The following KASH5 variants were observed in gnomAD, a reference collection of about 807,000 sequenced individuals.
KASH5 encodes protein KASH5.
KASH5 carries 72 observed loss-of-function variants against 84.2 expected under a neutral mutation model. That is an observed-to-expected ratio of 0.85 (90% CI 0.71 to 1.04). The LOEUF (loss-of-function observed/expected upper bound fraction) is 1.04, where lower values mean the gene tolerates loss of function less well. Ranked by LOEUF, KASH5 falls within the 50% of genes least tolerant of loss-of-function variation. The pLI is 0.00. For missense variants in KASH5, 650 were observed against 701.0 expected, an observed-to-expected ratio of 0.93 and a Z score of 0.82; for synonymous variants, 260 against 279.1, an observed-to-expected ratio of 0.93 and a Z score of 0.68.
At chr19:49,408,760 C>CT (rs1974613624) in intron 12 of KASH5, among the ~76,000 whole-genome samples, 1 of 152,196 alleles carries the variant, frequency 6.6e-6, no homozygotes. Context: ...TTGGCCTGTG[C>CT]TTTAGCTTCT....
chr19:49,405,456 C>CAAA (rs58604196), intron 9 of KASH5, among the ~76,000 whole-genome samples: 3 of 90,434 alleles, frequency 3.3e-5, no homozygotes, highest in Admixed American at 1.2e-4. Context: ...AAACTCCTCT[C>CAAA]AAAAAAAAAA....
At chr19:49,397,960 T>C (rs760838483) in intron 6 of KASH5, 22 bp from the exon 7 acceptor site, 8 of 1,612,108 alleles carry the variant, frequency 5.0e-6, no homozygotes, top group African/African-American at 1.3e-5. Context: ...GACAGTGACC[T>C]GAACCCCTTC....
rs772978904 is a variant in KASH5, at chr19:49,398,046, G to T, written c.532G>T (p.Gly178Trp). The T allele has an allele frequency of 5.0e-6, 8 of 1,613,726 alleles. No individual in the cohort carries two copies. Among genetic ancestry groups the T allele is most frequent in the Non-Finnish European group, 6.8e-6 (8 of 1,179,834 alleles). The change falls in exon 7 of 20, where the codon GGG (glycine) becomes TGG (tryptophan). Residue 178 changes from glycine (G) to tryptophan (W), a missense_variant. Physicochemically the swap from Gly to Trp is radical, Grantham distance 184. Coordinates refer to ENST00000447857, the MANE Select transcript of KASH5 (RefSeq NM_144688.5). ...DLELSNRRLV[G>W]ENAKLQRSME... ...GGAGCTCAGCAACCGACGTCTGGTT[G>T]GGGAGAATGCCAAATTGCAGCGGAG...
intron 9 of KASH5, among the ~76,000 whole-genome samples, chr19:49,402,887 A>G (rs764209918): frequency 8.8e-5 from 13 of 148,456 alleles, no homozygotes; most frequent in Non-Finnish European, 1.9e-4. Flanking sequence ...CACGACATTC[A>G]TTTCCTTAAC....
At chr19:49,411,926 A>AGGAAGGAAGGAG (rs1236483079) in intron 15 of KASH5, among the ~76,000 whole-genome samples, 16 of 35,160 alleles carry the variant, frequency 4.6e-4, no homozygotes, top group Non-Finnish European at 8.6e-4. Context: ...GAGGGAAGGA[A>AGGAAGGAAGGAG]GGAAGGAAGG....
At chr19:49,403,819 G>A (rs569965472) in intron 9 of KASH5, among the ~76,000 whole-genome samples, 13 of 152,158 alleles carry the variant, frequency 8.5e-5, no homozygotes, top group Admixed American at 3.3e-4. Context: ...GGACACCCTC[G>A]GCCCTCGATA....
At position 49,412,426 on chromosome 19, in the gene KASH5, G is replaced by A. The variant is rs768277983; in HGVS notation, c.1270-542G>A. ...AAATCTTGAGGGATGTCTGGGGGCT[G>A]CCTGGAAGAGTTGGGTGCACCATCC... On this transcript the variant is annotated intron_variant, in intron 15 of 19. Transcript: ENST00000447857. This position sits in a 1 kb window ranked among gnomAD's most constrained non-coding sequence, Gnocchi z 4.6. 1.1e-4 allele frequency among the ~76,000 whole-genome samples: 16 copies of A among 152,186 alleles called. No homozygotes were observed. Among genetic ancestry groups the A allele is most frequent in the Admixed American group, 2.0e-4 (3 of 15,280 alleles).
At chr19:49,394,603 T>C (rs558625400) in intron 3 of KASH5, 23 bp downstream of exon 3, 2 of 1,576,696 alleles carry the variant, frequency 1.3e-6, no homozygotes, top group East Asian at 2.2e-5. Flanking sequence ...TGAGGGGTGC[T>C]GGGGACCAGT....
intron 1 of KASH5, 142 bp downstream of exon 1, chr19:49,388,469 G>C (rs567922568): frequency 6.6e-6 from 1 of 152,316 alleles, no homozygotes; most frequent in African/African-American, 2.4e-5. Context: ...GGCCGAGGCG[G>C]GCGGATCACG....
Position 49,409,290 on chromosome 19 carries a change from C to A in KASH5, c.1146+7C>A, listed in dbSNP as rs749824522. ...GATCGAGGCCATTCGACAGGTGGGC[C>A]TAACACCCCTGGAATAAGCTGCAGG... On this transcript the variant is annotated splice_region_variant and intron_variant, in intron 14 of 19. Transcript: ENST00000447857. 3.7e-6 allele frequency: 6 copies of A among 1,613,046 alleles called. No individual in the cohort carries two copies. The highest frequency in any genetic ancestry group is 5.1e-6 in the Non-Finnish European group (6 of 1,179,626).
intron 9 of KASH5, among the ~76,000 whole-genome samples, chr19:49,405,989 G>T (rs1974513749): frequency 6.7e-6 from 1 of 149,476 alleles, no homozygotes. Flanking sequence ...TTAGCTGGGT[G>T]TTGTGGCAGG....
At position 49,411,700 on chromosome 19, in the gene KASH5, G is replaced by A. The variant is rs143429946; in HGVS notation, c.1270-1268G>A. ...ATACAGAGCTGAGTCCCTTGGGGCC[G>A]GGCCTCTCAGTGCTCAAGGCCTGAT... On this transcript the variant is annotated intron_variant, in intron 15 of 19. Transcript: ENST00000447857. Among the ~76,000 whole-genome samples the A allele has an allele frequency of 5.6e-3, 854 of 152,202 alleles. 9 individuals carry two copies. Among genetic ancestry groups the A allele is most frequent in the African/African-American group, 0.019 (777 of 41,502 alleles).
intron 2 of KASH5, among the ~76,000 whole-genome samples, chr19:49,391,199 C>G (rs7257053): frequency 0.25 from 38,412 of 152,076 alleles, 5,149 homozygotes; most frequent in South Asian, 0.47. Context: ...GATCGCGGCC[C>G]AGATGGCACT....
chr19:49,408,864 G>A (rs1974617115), intron 12 of KASH5, 103 bp from the exon 13 acceptor site: 4 of 1,212,564 alleles, frequency 3.3e-6, no homozygotes, highest in Non-Finnish European at 4.7e-6. Context: ...GGAGCCCAAA[G>A]TAGTCAGGAA....
chr19:49,405,786 G>A (rs960849360), intron 9 of KASH5, among the ~76,000 whole-genome samples: 1 of 151,804 alleles, frequency 6.6e-6, no homozygotes, highest in South Asian at 2.1e-4. Context: ...GTGAAACCCC[G>A]TCTCTACTAA....
rs748611031 is a variant in KASH5 at position 49,395,315 on chromosome 19, T to C, written c.335+23T>C. ...TGGGTGAGTCCCCACATCTTCATCCTCCTCTGGGAAGTCCTTCCTAAGATC... is the reference window on the plus strand; with the variant it reads ...TGGGTGAGTCCCCACATCTTCATCCCCCTCTGGGAAGTCCTTCCTAAGATC... On this transcript the variant is annotated intron_variant, in intron 4 of 19. Transcript: ENST00000447857. This position sits in a 1 kb window ranked among gnomAD's most constrained non-coding sequence, Gnocchi z 4.4. The C allele has an allele frequency of 6.2e-7, 1 of 1,605,692 alleles. No homozygotes were observed. Among genetic ancestry groups the C allele is most frequent in the Non-Finnish European group, 8.5e-7 (1 of 1,177,300 alleles).
intron 2 of KASH5, chr19:49,391,812 A>C (rs1351679766): frequency 6.6e-6 from 1 of 152,240 alleles, no homozygotes; most frequent in Non-Finnish European, 1.5e-5. Context: ...AGCTGGCTTC[A>C]GAGGGTGGGG....
intron 9 of KASH5, among the ~76,000 whole-genome samples, chr19:49,402,472 C>T (rs1209005512): frequency 1.3e-5 from 2 of 152,016 alleles, no homozygotes; most frequent in African/African-American, 2.4e-5. Flanking sequence ...CTTGGGAGGC[C>T]GAGATGGGTG....
In KASH5 at chr19:49,390,845, G is replaced by A; in HGVS notation, c.-39G>A. ...CCCTCCCCATGAAGGAGGGAGGCTGGTAGCTTTGCCAGCAGCTGCGCCGCG... is the reference window on the plus strand; with the variant it reads ...CCCTCCCCATGAAGGAGGGAGGCTGATAGCTTTGCCAGCAGCTGCGCCGCG... On this transcript the variant is annotated 5_prime_UTR_variant, in exon 2 of 20. It introduces an in-frame stop codon into an upstream open reading frame of the 5' UTR. Transcript: ENST00000447857. 6.3e-7 allele frequency: 1 copy of A among 1,580,050 alleles called. No individual in the cohort carries two copies. The highest frequency in any genetic ancestry group is 8.6e-7 in the Non-Finnish European group (1 of 1,165,782).
Sources: allele counts gnomAD v4.1 joint callset (sites outside exome capture counted in the v4.1 genomes callset), GRCh38; gene constraint gnomAD v4.1.1; non-coding constraint Gnocchi (gnomAD v3.1); transcripts MANE v1.5; gene names NCBI Gene and HGNC (gene_info 2026-07-23, HGNC 2026-07-21).